GULP1: variants seen among roughly 807,000 people sequenced by gnomAD.
The protein encoded by GULP1 is GULP PTB domain containing engulfment adaptor 1.
In GULP1, 19 loss-of-function variants were observed where a neutral mutation model predicts 40.9. The ratio of observed to expected loss-of-function variants is 0.46; its 90% confidence interval spans 0.32 to 0.68. The LOEUF (loss-of-function observed/expected upper bound fraction) is 0.68. Ranked by LOEUF, GULP1 falls within the 30% of genes least tolerant of loss-of-function variation. The probability of loss-of-function intolerance (pLI) is 0.03; values close to 1 mark genes in which losing one functional copy is unlikely to be tolerated. For synonymous variants in GULP1, 119 were observed against 117.6 expected (o/e 1.01, Z -0.08); for missense variants, 312 against 362.2 (o/e 0.86, Z 1.12).
At chr2:188,376,189 C>T (rs1374750004) in intron 1 of GULP1, among the ~76,000 whole-genome samples, 1 of 152,000 alleles carries the variant, frequency 6.6e-6, no homozygotes, top group East Asian at 1.9e-4. Flanking sequence ...AAACTAAATG[C>T]AAAGATGATT....
chr2:188,353,724 T>G (rs2044837087), intron 1 of GULP1, among the ~76,000 whole-genome samples: 1 of 151,762 alleles, frequency 6.6e-6, no homozygotes, highest in Non-Finnish European at 1.5e-5. Context: ...AAATGGTGTC[T>G]TGGCCTCCTA....
At chr2:188,537,676 T>C (rs956391110) in intron 6 of GULP1, among the ~76,000 whole-genome samples, 3 of 152,036 alleles carry the variant, frequency 2.0e-5, no homozygotes, top group African/African-American at 7.2e-5. Flanking sequence ...AATGTTTTGG[T>C]ATCTGAATTA....
chr2:188,457,591 A>G (rs2059370929), intron 2 of GULP1, among the ~76,000 whole-genome samples: 1 of 152,210 alleles, frequency 6.6e-6, no homozygotes, highest in Non-Finnish European at 1.5e-5. Context: ...TATAAGCAGC[A>G]TGAAATGGAC....
intron 2 of GULP1, among the ~76,000 whole-genome samples, chr2:188,440,627 C>G (rs1225292908): frequency 6.6e-6 from 1 of 152,096 alleles, no homozygotes; most frequent in East Asian, 1.9e-4. Flanking sequence ...TGCAGTGGCA[C>G]TATCTCGGCT....
chr2:188,467,187 T>A (rs1261394782), intron 2 of GULP1, among the ~76,000 whole-genome samples: 1 of 151,904 alleles, frequency 6.6e-6, no homozygotes, highest in African/African-American at 2.4e-5. Context: ...AGGAGGATAA[T>A]AATGCTAAAT....
chr2:188,384,110 T>C (rs758625839), intron 2 of GULP1: 3 of 152,216 alleles, frequency 2.0e-5, no homozygotes, highest in Non-Finnish European at 4.4e-5. Flanking sequence ...ATTTTTGTTT[T>C]GTTGGATTTT....
chr2:188,449,299 C>G (rs2058645851), intron 2 of GULP1, among the ~76,000 whole-genome samples: 2 of 152,130 alleles, frequency 1.3e-5, no homozygotes, highest in Admixed American at 1.3e-4. Flanking sequence ...AAGCTAACCT[C>G]AGGCGTAGGT....
intron 2 of GULP1, among the ~76,000 whole-genome samples, chr2:188,400,176 C>T (rs887534560): frequency 7.9e-5 from 12 of 152,146 alleles, no homozygotes; most frequent in Middle Eastern, 6.8e-3. Flanking sequence ...CCTTGTATTG[C>T]TTGATTTTAG....
chr2:188,349,239 C>G (rs1386309497), intron 1 of GULP1, among the ~76,000 whole-genome samples: 1 of 152,138 alleles, frequency 6.6e-6, no homozygotes, highest in Non-Finnish European at 1.5e-5. Flanking sequence ...TTTATGGACA[C>G]AGTTTCTCTT....
intron 4 of GULP1, among the ~76,000 whole-genome samples, chr2:188,505,992 CAG>C (rs1270666995): frequency 6.6e-6 from 1 of 151,760 alleles, no homozygotes; most frequent in Non-Finnish European, 1.5e-5. Context: ...CACTACTTAA[CAG>C]ATATATAATT....
chr2:188,534,044 G>A (rs1055215089), intron 6 of GULP1, among the ~76,000 whole-genome samples: 18 of 152,326 alleles, frequency 1.2e-4, no homozygotes, highest in African/African-American at 4.1e-4. Context: ...ATGTAAATTC[G>A]TTCAGCTGCT....
At chr2:188,303,347 C>A (rs927613721) in intron 1 of GULP1, among the ~76,000 whole-genome samples, 2 of 151,968 alleles carry the variant, frequency 1.3e-5, no homozygotes, top group African/African-American at 4.8e-5. Context: ...AATAGTTAAC[C>A]AAGTAGTTTA....
chr2:188,577,837 A>G (rs1347069682), intron 9 of GULP1, among the ~76,000 whole-genome samples: 2 of 152,102 alleles, frequency 1.3e-5, no homozygotes, highest in African/African-American at 4.8e-5. Flanking sequence ...AAGATACATT[A>G]TAACAATGAA....
At chr2:188,327,849 A>G (rs1018769288) in intron 1 of GULP1, among the ~76,000 whole-genome samples, 12 of 152,144 alleles carry the variant, frequency 7.9e-5, no homozygotes, top group African/African-American at 2.9e-4. Flanking sequence ...ACAATTTCAC[A>G]TGGCCAACCT....
chr2:188,571,681 A>G (rs1227301661), intron 9 of GULP1, among the ~76,000 whole-genome samples: 1 of 152,152 alleles, frequency 6.6e-6, no homozygotes, highest in Non-Finnish European at 1.5e-5. Context: ...TCATTATTCA[A>G]CCTTCCATCC....
At chr2:188,306,188 A>G (rs2037057961) in intron 1 of GULP1, among the ~76,000 whole-genome samples, 1 of 152,198 alleles carries the variant, frequency 6.6e-6, no homozygotes, top group African/African-American at 2.4e-5. Context: ...TAATTGTTCA[A>G]CATGTACTTT....
At chr2:188,306,243 C>A (rs2106223932) in intron 1 of GULP1, among the ~76,000 whole-genome samples, 1 of 152,226 alleles carries the variant, frequency 6.6e-6, no homozygotes, top group South Asian at 2.1e-4. Flanking sequence ...AGAAGATGGA[C>A]TAGATAACCT....
chr2:188,327,514 T>G (rs139754268), intron 1 of GULP1, among the ~76,000 whole-genome samples: 1 of 152,260 alleles, frequency 6.6e-6, no homozygotes, highest in African/African-American at 2.4e-5. Context: ...TAGAGGCTAT[T>G]TACTATGAAG....
chr2:188,567,154 G>A (rs1697910267), intron 7 of GULP1, among the ~76,000 whole-genome samples: 1 of 152,144 alleles, frequency 6.6e-6, no homozygotes, highest in African/African-American at 2.4e-5. Flanking sequence ...AGGCTGTGGA[G>A]AAATATAAAT....
Sources: gnomAD v4.1 joint callset for allele counts (sites outside exome capture counted in the v4.1 genomes callset) on GRCh38, gnomAD v4.1.1 for gene constraint, MANE v1.5 for transcripts, NCBI Gene and HGNC (gene_info 2026-07-23, HGNC 2026-07-21) for gene names.